ATP5F1C: variants seen among roughly 807,000 people sequenced by gnomAD.
ATP5F1C encodes ATP synthase F1 subunit gamma.
Under a neutral mutation model 37.4 loss-of-function variants are expected in ATP5F1C, and 22 were observed. The observed-to-expected ratio is 0.59, with a 90% CI of 0.42 to 0.84. The LOEUF is 0.84. Among genes scored for constraint, ATP5F1C ranks in the 40% least tolerant of loss-of-function variants. ATP5F1C has a pLI of 0.00. For missense variants in ATP5F1C, 286 were observed against 362.4 expected, an observed-to-expected ratio of 0.79 and a Z score of 1.71; for synonymous variants, 121 against 128.0, an observed-to-expected ratio of 0.95 and a Z score of 0.37.
At chr10:7,806,180 G>A (rs548349403) in intron 8 of ATP5F1C, among the ~76,000 whole-genome samples, 2 of 152,362 alleles carry the variant, frequency 1.3e-5, no homozygotes, top group East Asian at 3.8e-4. Flanking sequence ...TGGATTGCTT[G>A]TGAATGGGTT....
intron 1 of ATP5F1C, among the ~76,000 whole-genome samples, chr10:7,788,977 A>G (rs1836107944): frequency 6.6e-6 from 1 of 151,700 alleles, no homozygotes; most frequent in Non-Finnish European, 1.5e-5. Flanking sequence ...GTCCTGGGGG[A>G]GGAGTTCGGT....
chr10:7,796,864 G>C (rs1230855213), intron 2 of ATP5F1C, 183 bp from the exon 3 acceptor site: 1 of 561,262 alleles, frequency 1.8e-6, no homozygotes, highest in Admixed American at 3.6e-5. Flanking sequence ...GATTACAGGC[G>C]TGAGCCACCG....
rs530029095 is a variant in ATP5F1C at position 7,799,135 on chromosome 10, A to C, written c.369A>C (p.Ala123=). The change falls in exon 4 of 10, where the codon GCA becomes GCC. Residue 123 remains alanine (A), a synonymous_variant. Transcript: ENST00000356708. ...QMKSEVATLT[A]AGKEVMLVGI... ...AAAGCGAGGTTGCTACACTAACAGC[A>C]GCTGGGAAAGAAGTTATGCTTGTTG... The C allele has an allele frequency of 1.0e-4, 167 of 1,614,092 alleles. No individual in the cohort carries two copies. The highest frequency in any genetic ancestry group is 1.4e-4 in the Non-Finnish European group (163 of 1,179,992).
intron 7 of ATP5F1C, 44 bp downstream of exon 7, chr10:7,802,469 C>T: frequency 6.4e-7 from 1 of 1,574,466 alleles, no homozygotes; most frequent in South Asian, 1.2e-5. Flanking sequence ...TGCTTGTGAG[C>T]ACACAGTGAA....
At chr10:7,807,374 T>G (rs1836502888) in intron 9 of ATP5F1C, among the ~76,000 whole-genome samples, 1 of 152,156 alleles carries the variant, frequency 6.6e-6, no homozygotes, top group Non-Finnish European at 1.5e-5. Flanking sequence ...CTCTATTCAT[T>G]TTGTTGTGAT....
chr10:7,806,662 A>AG (rs971811985), intron 8 of ATP5F1C, among the ~76,000 whole-genome samples: 2 of 152,126 alleles, frequency 1.3e-5, no homozygotes, highest in African/African-American at 4.8e-5. Context: ...TCCAAAAAAA[A>AG]AAAAAACCTC....
At chr10:7,799,968 T>C in intron 5 of ATP5F1C, 53 bp downstream of exon 5, 1 of 1,606,042 alleles carries the variant, frequency 6.2e-7, no homozygotes, top group Non-Finnish European at 8.5e-7. Flanking sequence ...TTTGTTCATA[T>C]TTTGAAATAA....
rs1836319287 is a variant in ATP5F1C, at chr10:7,799,873, G to T, written c.530G>T (p.Gly177Val). ...SVIALELLNS[G>V]YEFDEGSIIF... The stretch of plus-strand genomic sequence containing the variant: ...ATTGCCCTTGAATTACTAAATTCTG[G>T]ATATGAATTTGATGAAGGCTCCATC... The change falls in exon 5 of 10, where the codon GGA (glycine) becomes GTA (valine). Residue 177 changes from glycine (G) to valine (V), a missense_variant. Coordinates refer to ENST00000356708, the MANE Select transcript of ATP5F1C (RefSeq NM_001001973.3). The T allele has an allele frequency of 6.2e-7, 1 of 1,614,028 alleles. No homozygotes were observed. Among genetic ancestry groups the T allele is most frequent in the Admixed American group, 1.7e-5 (1 of 59,996 alleles).
intron 1 of ATP5F1C, among the ~76,000 whole-genome samples, chr10:7,790,232 T>C (rs1836141706): frequency 6.6e-6 from 1 of 152,254 alleles, no homozygotes; most frequent in Non-Finnish European, 1.5e-5. Context: ...CTGTCTTGAT[T>C]ACTGGAAGTT....
intron 3 of ATP5F1C, among the ~76,000 whole-genome samples, chr10:7,797,617 A>G (rs957759068): frequency 2.0e-5 from 3 of 152,152 alleles, no homozygotes; most frequent in Non-Finnish European, 4.4e-5. Flanking sequence ...ATTTCATCCT[A>G]TGACCTTGTA....
chr10:7,799,045 T>C lies in ATP5F1C; in HGVS notation c.279T>C (p.Leu93=), dbSNP rs745376688. The change falls in exon 4 of 10, where the codon CTT becomes CTC. Residue 93 remains leucine, a synonymous_variant. Coordinates refer to ENST00000356708, the MANE Select transcript of ATP5F1C (RefSeq NM_001001973.3). ...KGPEDKKKHL[L]IGVSSDRGLC... ...CTGAAGACAAGAAGAAACACCTCCT[T>C]ATTGGTGTGTCCTCAGATCGAGGAC... 1 of 1,612,742 alleles carries C rather than the reference T, an allele frequency of 6.2e-7. No individual in the cohort carries two copies. Among genetic ancestry groups the C allele is most frequent in the East Asian group, 2.2e-5 (1 of 44,870 alleles).
At chr10:7,791,405 A>T (rs924035918) in intron 1 of ATP5F1C, among the ~76,000 whole-genome samples, 1 of 152,186 alleles carries the variant, frequency 6.6e-6, no homozygotes, top group African/African-American at 2.4e-5. Flanking sequence ...GCTTAATATC[A>T]GAATTAGAGT....
intron 9 of ATP5F1C, 25 bp from the exon 10 acceptor site, chr10:7,807,634 A>T: frequency 6.2e-7 from 1 of 1,602,078 alleles, no homozygotes; most frequent in Non-Finnish European, 8.5e-7. Flanking sequence ...TTGATTTCTT[A>T]CTTGTTCTGT....
intron 8 of ATP5F1C, among the ~76,000 whole-genome samples, chr10:7,804,687 G>A (rs1391924922): frequency 6.6e-6 from 1 of 152,202 alleles, no homozygotes; most frequent in Non-Finnish European, 1.5e-5. Flanking sequence ...TGCTCCTCGA[G>A]GCTAGGATGG....
chr10:7,797,282 G>A (rs1836259037), intron 3 of ATP5F1C, 104 bp downstream of exon 3: 1 of 1,427,286 alleles, frequency 7.0e-7, no homozygotes, highest in African/African-American at 1.4e-5. Flanking sequence ...GCCTATCTGA[G>A]CACTTGCCAT....
chr10:7,800,781 C>T (rs1287736371), intron 6 of ATP5F1C, among the ~76,000 whole-genome samples: 1 of 152,226 alleles, frequency 6.6e-6, no homozygotes, highest in Non-Finnish European at 1.5e-5. Flanking sequence ...AGGCATGAGC[C>T]ACTGCACCCG....
intron 4 of ATP5F1C, 107 bp from the exon 5 acceptor site, chr10:7,799,665 C>T (rs2131068296): frequency 7.4e-7 from 1 of 1,349,538 alleles, no homozygotes; most frequent in East Asian, 2.3e-5. Flanking sequence ...CACCCATACC[C>T]CAAAAGACCT....
chr10:7,796,893 A>G (rs1375404794), intron 2 of ATP5F1C, 154 bp from the exon 3 acceptor site: 11 of 838,718 alleles, frequency 1.3e-5, no homozygotes, highest in Non-Finnish European at 2.0e-5. Flanking sequence ...TATTAGTACT[A>G]GTTCTAATAT....
intron 1 of ATP5F1C, among the ~76,000 whole-genome samples, chr10:7,791,004 AAAG>A (rs1836154140): frequency 6.6e-6 from 1 of 152,148 alleles, no homozygotes; most frequent in Non-Finnish European, 1.5e-5. Flanking sequence ...GAAAAGAGGA[AAAG>A]AAGATGCAGT....
Sources: allele counts gnomAD v4.1 joint callset (sites outside exome capture counted in the v4.1 genomes callset), GRCh38; gene constraint gnomAD v4.1.1; transcripts MANE v1.5; gene names NCBI Gene and HGNC (gene_info 2026-07-23, HGNC 2026-07-21).